SGCD: variants seen among roughly 807,000 people sequenced by gnomAD.
The protein encoded by SGCD is delta-sarcoglycan.
In SGCD, 18 loss-of-function variants were observed where a neutral mutation model predicts 36.6. That is an observed-to-expected ratio of 0.49 (90% CI 0.34 to 0.73). The LOEUF is 0.73. SGCD is among the 30% of genes least tolerant of loss of function. The pLI, the probability that SGCD is intolerant of heterozygous loss-of-function variation, is 0.01. For missense variants in SGCD, 387 were observed against 346.7 expected (o/e 1.12, Z -0.92); for synonymous variants, 133 against 130.6 (o/e 1.02, Z -0.12).
intron 1 of SGCD, among the ~76,000 whole-genome samples, chr5:156,039,657 G>A (rs1759587513): frequency 1.3e-5 from 2 of 152,174 alleles, no homozygotes; most frequent in Admixed American, 1.3e-4. Context: ...AACTTACCTA[G>A]ACTTAAAGAA....
At chr5:156,502,739 T>G (rs187948738) in intron 3 of SGCD, among the ~76,000 whole-genome samples, 38 of 152,294 alleles carry the variant, frequency 2.5e-4, no homozygotes, top group African/African-American at 7.9e-4. Context: ...AAACTTCTTA[T>G]GTAGTAAAAG....
intron 7 of SGCD, among the ~76,000 whole-genome samples, chr5:156,704,897 TAA>T (rs879488777): frequency 7.0e-5 from 10 of 142,290 alleles, no homozygotes; most frequent in African/African-American, 7.7e-5. Context: ...TTGCCTAGAT[TAA>T]AAAAAAAAAA....
chr5:155,889,741 C>T (rs908750256), intron 1 of SGCD, among the ~76,000 whole-genome samples: 5 of 152,192 alleles, frequency 3.3e-5, no homozygotes, highest in Non-Finnish European at 7.3e-5. Flanking sequence ...TTGCCTGCCA[C>T]CTAGCCTCTT....
At chr5:156,453,509 C>T (rs1754117827) in intron 3 of SGCD, among the ~76,000 whole-genome samples, 1 of 152,144 alleles carries the variant, frequency 6.6e-6, no homozygotes, top group Non-Finnish European at 1.5e-5. Flanking sequence ...CCTAAATGTA[C>T]CCCAGTAGGT....
At chr5:156,497,042 T>C (rs1211311354) in intron 3 of SGCD, among the ~76,000 whole-genome samples, 1 of 152,150 alleles carries the variant, frequency 6.6e-6, no homozygotes, top group Non-Finnish European at 1.5e-5. Context: ...ATGAAGAGCA[T>C]GAGCCTTAGA....
intron 3 of SGCD, among the ~76,000 whole-genome samples, chr5:156,420,187 A>G (rs997550822): frequency 1.3e-5 from 2 of 152,128 alleles, no homozygotes; most frequent in African/African-American, 4.8e-5. Flanking sequence ...CTCTGTAAAT[A>G]TTATCTATAT....
At chr5:156,084,254 A>T (rs747137865) in intron 1 of SGCD, among the ~76,000 whole-genome samples, 9 of 152,088 alleles carry the variant, frequency 5.9e-5, no homozygotes, top group Non-Finnish European at 1.2e-4. Context: ...TATAGGTACG[A>T]CTTCTTTAAT....
At chr5:156,689,561 A>T (rs955764974) in intron 7 of SGCD, among the ~76,000 whole-genome samples, 1 of 152,206 alleles carries the variant, frequency 6.6e-6, no homozygotes, top group African/African-American at 2.4e-5. Flanking sequence ...ATCTCCAAGG[A>T]AAGGGAAGTA....
the SGCD span, among the ~76,000 whole-genome samples, chr5:155,833,105 CTG>C: frequency 1.3e-5 from 2 of 151,032 alleles, no homozygotes; most frequent in Non-Finnish European, 1.5e-5. Context: ...TGGGACGCAC[CTG>C]TAGTCACAGC....
At chr5:155,953,998 G>A (rs938027017) in intron 1 of SGCD, among the ~76,000 whole-genome samples, 1 of 152,134 alleles carries the variant, frequency 6.6e-6, no homozygotes, top group Non-Finnish European at 1.5e-5. Flanking sequence ...CCCATTCGGA[G>A]ACAGATATTT....
chr5:156,155,145 C>T (rs1762922793), intron 3 of SGCD, among the ~76,000 whole-genome samples: 1 of 151,584 alleles, frequency 6.6e-6, no homozygotes, highest in Admixed American at 6.6e-5. Flanking sequence ...CTCTTTATTC[C>T]CACTTTTGTT....
intron 3 of SGCD, among the ~76,000 whole-genome samples, chr5:156,203,357 C>T (rs551453715): frequency 3.9e-5 from 6 of 152,126 alleles, no homozygotes; most frequent in East Asian, 1.9e-4. Context: ...CTATTGACTG[C>T]GCAAATAACA....
At chr5:156,186,119 C>T (rs1157665250) in intron 3 of SGCD, among the ~76,000 whole-genome samples, 1 of 151,236 alleles carries the variant, frequency 6.6e-6, no homozygotes, top group African/African-American at 2.4e-5. Context: ...TGTGAGATTT[C>T]CTCTAATTTA....
chr5:155,766,801 G>A, the SGCD span, among the ~76,000 whole-genome samples: 1 of 152,254 alleles, frequency 6.6e-6, no homozygotes, highest in African/African-American at 2.4e-5. Flanking sequence ...AACCAAGGGA[G>A]TCTGAGTGAT....
chr5:156,674,914 G>A (rs530789553), intron 7 of SGCD, among the ~76,000 whole-genome samples: 6 of 152,150 alleles, frequency 3.9e-5, no homozygotes, highest in Non-Finnish European at 5.9e-5. Flanking sequence ...AGAATGGGAC[G>A]CAGTGACTTC....
At chr5:156,271,683 A>C (rs1232049915) in intron 3 of SGCD, among the ~76,000 whole-genome samples, 2 of 152,054 alleles carry the variant, frequency 1.3e-5, no homozygotes, top group Admixed American at 1.3e-4. Context: ...CACCAAGGAC[A>C]GCAGTCCTTG....
intron 3 of SGCD, among the ~76,000 whole-genome samples, chr5:156,288,780 A>G (rs1476138372): frequency 1.3e-5 from 2 of 151,870 alleles, no homozygotes; most frequent in African/African-American, 4.8e-5. Context: ...TTGTGTTTTG[A>G]TTCTAACTGT....
intron 3 of SGCD, among the ~76,000 whole-genome samples, chr5:156,265,337 A>T (rs183870649): frequency 9.2e-5 from 14 of 152,172 alleles, no homozygotes; most frequent in Non-Finnish European, 1.6e-4. Flanking sequence ...GGATAGGAAG[A>T]TTCTAAGAAA....
intron 1 of SGCD, among the ~76,000 whole-genome samples, chr5:156,051,103 T>TA (rs1301113621): frequency 4.8e-5 from 7 of 146,582 alleles, no homozygotes. Context: ...CATTTCATTT[T>TA]AAAAAAGGTT....
Sources: gnomAD v4.1 joint callset for allele counts (sites outside exome capture counted in the v4.1 genomes callset) on GRCh38, gnomAD v4.1.1 for gene constraint, MANE v1.5 for transcripts, NCBI Gene and HGNC (gene_info 2026-07-23, HGNC 2026-07-21) for gene names.